CLTRN: variants seen among roughly 807,000 people sequenced by gnomAD.
CLTRN encodes the protein collectrin, amino acid transport regulator.
CLTRN carries 12 observed loss-of-function variants against 14.5 expected under a neutral mutation model. The ratio of observed to expected loss-of-function variants is 0.83; its 90% confidence interval spans 0.53 to 1.34. The LOEUF (loss-of-function observed/expected upper bound fraction) is 1.34. Among genes scored for constraint, CLTRN ranks in the 40% most tolerant of loss-of-function variants. CLTRN has a pLI of 0.00. For synonymous variants in CLTRN, 58 were observed against 56.5 expected (o/e 1.03, Z -0.12); for missense variants, 154 against 165.1 (o/e 0.93, Z 0.37).
At chrX:15,645,735 A>C (rs5936002) in intron 3 of CLTRN, among the ~76,000 whole-genome samples, 27,587 of 111,200 alleles carry the variant, frequency 0.25, 2,721 homozygotes, top group East Asian at 0.52. Context: ...AAATGAAAAT[A>C]GTGTTCAGAG....
At position 15,662,176 on chromosome X, in the gene CLTRN, CT is replaced by C. The variant is rs752308258; in HGVS notation, c.117+2160del. ...CTAGAGAGAGAACTGATGGTCAATG[CT>C]TTTTTTTTTTAACCATTTTTCCCAA... On this transcript the variant is annotated intron_variant, in intron 2 of 5. Coordinates refer to ENST00000380342, the MANE Select transcript of CLTRN (RefSeq NM_020665.6). Among the ~76,000 whole-genome samples, 182 of 103,042 alleles carry C rather than the reference CT, an allele frequency of 1.8e-3. 2 individuals are homozygous for C. The East Asian group carries it at 0.032, about 18-fold the overall frequency. The allele number at this position is 103,042 out of a possible 115,157, so 89.5% of individuals were successfully genotyped here.
intron 3 of CLTRN, among the ~76,000 whole-genome samples, chrX:15,647,035 C>T (rs145612257): frequency 0.023 from 2,593 of 112,601 alleles, 73 homozygotes; most frequent in African/African-American, 0.076. Flanking sequence ...GCCCGGTCGC[C>T]GCAGGAGCGC....
At chrX:15,642,555 A>G (rs760821905) in intron 4 of CLTRN, among the ~76,000 whole-genome samples, 1 of 112,299 alleles carries the variant, frequency 8.9e-6, no homozygotes, top group Non-Finnish European at 1.9e-5. Flanking sequence ...GAACAAATTC[A>G]CGTGCTTCCT....
chrX:15,672,299 A>G (rs754924511), intron 1 of CLTRN, among the ~76,000 whole-genome samples: 3 of 112,210 alleles, frequency 2.7e-5, no homozygotes, highest in Non-Finnish European at 5.6e-5. Flanking sequence ...TTTCTTTTAC[A>G]GGTTTAGCTG....
intron 1 of CLTRN, among the ~76,000 whole-genome samples, chrX:15,670,002 A>G (rs1292757122): frequency 8.9e-6 from 1 of 111,737 alleles, no homozygotes; most frequent in Non-Finnish European, 1.9e-5. Context: ...GCTGCTGGGC[A>G]TGGTGGCTCA....
At chrX:15,646,524 T>C (rs1468603158) in intron 3 of CLTRN, 17 of 313,113 alleles carry the variant, frequency 5.4e-5, no homozygotes, top group African/African-American at 4.9e-4. Context: ...CTTCCTCAGC[T>C]CCCAGGTCCA....
At chrX:15,663,307 C>T (rs762240494) in intron 2 of CLTRN, among the ~76,000 whole-genome samples, 1 of 112,310 alleles carries the variant, frequency 8.9e-6, no homozygotes, top group East Asian at 2.8e-4. Flanking sequence ...GATGGCCAAC[C>T]CTGCACACTA....
rs771128575 is a variant in CLTRN at position 15,664,795 on chromosome X, CA to C, written c.-21del. 1 of 1,192,680 alleles carries C rather than the reference CA, an allele frequency of 8.4e-7. No individual in the cohort carries two copies. Among genetic ancestry groups the C allele is most frequent in the East Asian group, 3.0e-5 (1 of 33,726 alleles). ...CAACATTCTTTCAGGGTGGAAAACA[CA>C]AGGCAAAGTGAGAAAAAAAAAATCC... is the stretch of plus-strand genomic sequence containing the variant. On this transcript the variant is annotated 5_prime_UTR_variant, in exon 1 of 6. Transcript: ENST00000380342.
rs146861413 is a variant in CLTRN at position 15,655,810 on chromosome X, G to A, written c.203+3206C>T. Among the ~76,000 whole-genome samples the A allele has an allele frequency of 1.5e-3, 171 of 112,052 alleles. 2 individuals are homozygous for A. In the Middle Eastern group the frequency reaches 0.032, roughly 21 times the overall value. On this transcript the variant is annotated intron_variant, in intron 3 of 5. Coordinates refer to ENST00000380342, the MANE Select transcript of CLTRN (RefSeq NM_020665.6). ...CCTGAGAATGTCTGCAAGTTGGGGA[G>A]CATCCCTCCAGAAAATATTATGCCA...
At chrX:15,646,988 G>A (rs562656497) in intron 3 of CLTRN, 148 of 253,881 alleles carry the variant, frequency 5.8e-4, no homozygotes, top group South Asian at 5.2e-3. Flanking sequence ...CCTTCCTGGC[G>A]GCCGCCTGCC....
At chrX:15,632,883 CAAAAAAAAAAA>C in intron 5 of CLTRN, among the ~76,000 whole-genome samples, 1 of 43,668 alleles carries the variant, frequency 2.3e-5, no homozygotes, top group African/African-American at 9.5e-5. Context: ...GACTCTGTCT[CAAAAAAAAAAA>C]AAAAAAAAAA....
intron 3 of CLTRN, among the ~76,000 whole-genome samples, chrX:15,648,679 C>T (rs1163271961): frequency 1.8e-5 from 2 of 109,932 alleles, no homozygotes; most frequent in Non-Finnish European, 3.8e-5. Context: ...GGCATGGTGA[C>T]GCACACGTGT....
Position 15,627,948 on chromosome X carries a change from T to C in CLTRN, c.*23A>G, listed in dbSNP as rs1159622351. 2.0e-6 allele frequency: 2 copies of C among 999,563 alleles called. No individual in the cohort carries two copies. Among genetic ancestry groups the C allele is most frequent in the Admixed American group, 4.0e-5 (1 of 24,778 alleles). 82.4% of individuals were successfully genotyped at this position (999,563 alleles called of 1,213,427 possible). ...ACACAGAAACAAATGTTTAATTTCTTGAGGAAGCAGAACAACAGCCCTTCA... is the reference window on the plus strand; with the variant it reads ...ACACAGAAACAAATGTTTAATTTCTCGAGGAAGCAGAACAACAGCCCTTCA... On this transcript the variant is annotated 3_prime_UTR_variant, in exon 6 of 6. Transcript: ENST00000380342.
At chrX:15,666,449 T>G (rs1298747141), upstream of CLTRN, among the ~76,000 whole-genome samples, 1 of 112,051 alleles carries the variant, frequency 8.9e-6, no homozygotes, top group Admixed American at 9.5e-5. Context: ...AAGTCATGAA[T>G]GGCAGAATTA....
chrX:15,639,505 C>T, intron 5 of CLTRN, 57 bp downstream of exon 5: 2 of 1,064,166 alleles, frequency 1.9e-6, no homozygotes, highest in Non-Finnish European at 2.6e-6. Context: ...CCTGATTTGT[C>T]CAAGTCATGA....
At chrX:15,658,710 TTATATATA>T (rs56162633) in intron 3 of CLTRN, among the ~76,000 whole-genome samples, 19 of 98,738 alleles carry the variant, frequency 1.9e-4, no homozygotes, top group African/African-American at 6.5e-4. Flanking sequence ...TGCAAGAAAA[TTATATATA>T]TATATATATA....
chrX:15,652,626 C>T (rs1034642826), intron 3 of CLTRN, among the ~76,000 whole-genome samples: 2 of 111,413 alleles, frequency 1.8e-5, no homozygotes, highest in Non-Finnish European at 3.8e-5. Flanking sequence ...GTTGTTTTTG[C>T]TTTTCTTCAA....
At chrX:15,664,950 G>C, upstream of CLTRN, 1 of 426,164 alleles carries the variant, frequency 2.3e-6, no homozygotes, top group Non-Finnish European at 4.2e-6. Flanking sequence ...CATAAAAACA[G>C]CCCATCTCCT....
intron 3 of CLTRN, among the ~76,000 whole-genome samples, chrX:15,658,733 T>C (rs201477297): frequency 6.3e-4 from 52 of 82,004 alleles, no homozygotes; most frequent in Admixed American, 1.6e-3. Context: ...TATATATATA[T>C]ACACACACAC....
Sources: gnomAD v4.1 joint callset for allele counts (sites outside exome capture counted in the v4.1 genomes callset) on GRCh38, gnomAD v4.1.1 for gene constraint, MANE v1.5 for transcripts, NCBI Gene and HGNC (gene_info 2026-07-23, HGNC 2026-07-21) for gene names.